EPB41: variants seen among roughly 807,000 people sequenced by gnomAD.
EPB41 encodes protein 4.1.
A neutral mutation model predicts 108.0 loss-of-function variants in EPB41; 65 were observed. The observed-to-expected ratio is 0.60, with a 90% CI of 0.49 to 0.74. The LOEUF is 0.74. EPB41 is among the 30% of genes least tolerant of loss of function. EPB41 has a pLI of 0.00. For synonymous variants in EPB41, 336 were observed against 358.9 expected (o/e 0.94, Z 0.72); for missense variants, 875 against 1,037.0 (o/e 0.84, Z 2.15).
At chr1:28,960,475 C>T (rs1478047030) in intron 1 of EPB41, among the ~76,000 whole-genome samples, 3 of 150,996 alleles carry the variant, frequency 2.0e-5, no homozygotes, top group South Asian at 4.2e-4. Context: ...TGCCTGTAAT[C>T]CCAGCACTTT....
chr1:28,995,121 A>G (rs1158881512), intron 3 of EPB41, among the ~76,000 whole-genome samples: 3 of 151,926 alleles, frequency 2.0e-5, no homozygotes, highest in Non-Finnish European at 4.4e-5. Flanking sequence ...ACCTAACTAG[A>G]GCCTTAGGGT....
At chr1:28,934,129 T>C (rs1454927462) in intron 1 of EPB41, among the ~76,000 whole-genome samples, 1 of 152,170 alleles carries the variant, frequency 6.6e-6, no homozygotes, top group Non-Finnish European at 1.5e-5. Context: ...CTTGACAGTT[T>C]TGAGGGTTGT....
intron 1 of EPB41, chr1:28,890,767 C>CT: frequency 4.4e-6 from 1 of 226,316 alleles, no homozygotes; most frequent in Non-Finnish European, 7.4e-6. Flanking sequence ...GCTGAACAGA[C>CT]TTGACCAAAG....
intron 2 of EPB41, among the ~76,000 whole-genome samples, chr1:28,992,476 C>T (rs1014560064): frequency 6.6e-6 from 1 of 152,124 alleles, no homozygotes; most frequent in Admixed American, 6.5e-5. Context: ...ATCATGAGGT[C>T]AGGAGATCAA....
intron 17 of EPB41, among the ~76,000 whole-genome samples, chr1:29,098,217 C>T (rs1384263848): frequency 1.3e-5 from 2 of 151,872 alleles, no homozygotes; most frequent in African/African-American, 2.4e-5. Flanking sequence ...TTTTTTGAGA[C>T]AGAGTCTCGC....
chr1:29,095,273 A>G (rs1662806580), intron 16 of EPB41, among the ~76,000 whole-genome samples: 1 of 152,194 alleles, frequency 6.6e-6, no homozygotes, highest in African/African-American at 2.4e-5. Context: ...GAAGAAATAC[A>G]TCTCAGCTGC....
rs535359478 is a variant in EPB41 at position 29,047,205 on chromosome 1, CTT to C, written c.1637-5898_1637-5897del. Among the ~76,000 whole-genome samples, 258 of 136,102 alleles carry C rather than the reference CTT, an allele frequency of 1.9e-3. 1 individual carries two copies. The highest frequency in any genetic ancestry group is 6.8e-3 in the African/African-American group (231 of 33,846). 89.3% of individuals were successfully genotyped at this position (136,102 alleles called of 152,430 possible). A position where few individuals can be genotyped will look rare whatever the true frequency, so the allele number is the denominator to read the frequency against. On this transcript the variant is annotated intron_variant, in intron 11 of 20. Transcript: ENST00000343067. ...AAGGGACTATTAAAATGTTCTAGTT[CTT>C]GTTTCAGTTTTGATAAATTGTGTTT... is the stretch of plus-strand genomic sequence containing the variant.
intron 5 of EPB41, among the ~76,000 whole-genome samples, chr1:29,012,536 T>C (rs1172965997): frequency 3.3e-5 from 5 of 152,210 alleles, no homozygotes; most frequent in African/African-American, 1.2e-4. Flanking sequence ...CTGGGATAAA[T>C]ATTTCTGGGC....
intron 9 of EPB41, among the ~76,000 whole-genome samples, chr1:29,033,792 A>G (rs1194780826): frequency 6.6e-6 from 1 of 152,192 alleles, no homozygotes; most frequent in Non-Finnish European, 1.5e-5. Flanking sequence ...TTTGTATTGA[A>G]GAGCCATTAT....
At chr1:29,058,554 A>G (rs1645949228) in intron 12 of EPB41, 35 bp from the exon 13 acceptor site, 1 of 1,592,420 alleles carries the variant, frequency 6.3e-7, no homozygotes, top group Admixed American at 1.7e-5. Context: ...CTACTAACCT[A>G]AAATGTTTTT....
chr1:28,984,324 C>G (rs999576565), intron 1 of EPB41, among the ~76,000 whole-genome samples: 1 of 152,162 alleles, frequency 6.6e-6, no homozygotes, highest in African/African-American at 2.4e-5. Flanking sequence ...GTCAGAGACC[C>G]GTCCTTTTCT....
intron 16 of EPB41, chr1:29,065,882 T>C (rs368478821): frequency 1.3e-5 from 2 of 150,562 alleles, no homozygotes; most frequent in African/African-American, 2.5e-5. Flanking sequence ...ACAGGAGGAT[T>C]GCTTGAGCCA....
At chr1:29,049,851 G>A (rs978615663) in intron 11 of EPB41, among the ~76,000 whole-genome samples, 54 of 152,100 alleles carry the variant, frequency 3.6e-4, no homozygotes, top group African/African-American at 1.3e-3. Flanking sequence ...GTCTATATAT[G>A]CACCAAAATC....
Position 28,905,021 on chromosome 1 carries a change from ACT to A in EPB41, c.-8+17814_-8+17815del, listed in dbSNP as rs1324858484. Among the ~76,000 whole-genome samples the A allele has an allele frequency of 6.4e-5, 8 of 125,442 alleles. No individual in the cohort carries two copies. The East Asian group carries it at 9.1e-4, about 14-fold the overall frequency. 82.3% of individuals were successfully genotyped at this position (125,442 alleles called of 152,430 possible). ...ACTCCAGCCTGGGCGACAGAACGAG[ACT>A]CTGTCTCAAAAAAAAAAAAAAAAAA... On this transcript the variant is annotated intron_variant, in intron 1 of 16. Transcript: ENST00000347529.
intron 1 of EPB41, among the ~76,000 whole-genome samples, chr1:28,985,313 G>A (rs1457437401): frequency 1.4e-5 from 2 of 139,872 alleles, no homozygotes; most frequent in Non-Finnish European, 3.3e-5. Flanking sequence ...TCTAGGCATT[G>A]GGTATACAAT....
upstream of EPB41, among the ~76,000 whole-genome samples, chr1:28,914,009 G>A (rs1177440511): frequency 6.6e-6 from 1 of 152,310 alleles, no homozygotes; most frequent in East Asian, 1.9e-4. Flanking sequence ...GGCACGAGAG[G>A]TAAAGTCTCA....
intron 16 of EPB41, among the ~76,000 whole-genome samples, chr1:29,066,935 A>G (rs1392636414): frequency 6.7e-6 from 1 of 149,782 alleles, no homozygotes; most frequent in Non-Finnish European, 1.5e-5. Context: ...TCAGCCTCCC[A>G]AAGTGCTGAG....
chr1:28,952,265 C>T (rs1263479207), intron 1 of EPB41, among the ~76,000 whole-genome samples: 2 of 151,674 alleles, frequency 1.3e-5, no homozygotes, highest in Non-Finnish European at 2.9e-5. Context: ...CGGTGGCTCA[C>T]GCCTGTAATC....
intron 1 of EPB41, among the ~76,000 whole-genome samples, chr1:28,937,122 G>C (rs1570955851): frequency 6.6e-6 from 1 of 152,140 alleles, no homozygotes; most frequent in African/African-American, 2.4e-5. Flanking sequence ...GGTGTGAAAT[G>C]GTACCTCATA....
Sources: allele counts gnomAD v4.1 joint callset (sites outside exome capture counted in the v4.1 genomes callset), GRCh38; gene constraint gnomAD v4.1.1; transcripts MANE v1.5; gene names NCBI Gene and HGNC (gene_info 2026-07-23, HGNC 2026-07-21).